Variants in RBFOX2 observed in about 807,000 individuals in gnomAD.
RBFOX2 encodes RNA binding protein fox-1 homolog 2.
Under a neutral mutation model 49.1 loss-of-function variants are expected in RBFOX2, and 10 were observed. The observed-to-expected ratio is 0.20, with a 90% CI of 0.13 to 0.35. The LOEUF is 0.35. Ranked by LOEUF, RBFOX2 falls within the 10% of genes least tolerant of loss-of-function variation. RBFOX2 has a pLI of 1.00. For missense variants in RBFOX2, 323 were observed against 486.9 expected (o/e 0.66, Z 3.17); for synonymous variants, 183 against 187.4 (o/e 0.98, Z 0.19).
chr22:35,813,074 A>C (rs377008199), intron 1 of RBFOX2, among the ~76,000 whole-genome samples: 57 of 152,276 alleles, frequency 3.7e-4, no homozygotes, highest in East Asian at 2.9e-3. Context: ...GTCAAGAAGA[A>C]ATTCTTAGTG....
chr22:35,842,317 C>T (rs545247206), upstream of RBFOX2, among the ~76,000 whole-genome samples: 4 of 152,154 alleles, frequency 2.6e-5, no homozygotes, highest in East Asian at 1.9e-4. Flanking sequence ...TTAGGAAAAA[C>T]GCTGAGTAAA....
intron 1 of RBFOX2, among the ~76,000 whole-genome samples, chr22:35,989,992 G>T (rs2057901747): frequency 6.6e-6 from 1 of 152,126 alleles, no homozygotes; most frequent in South Asian, 2.1e-4. Flanking sequence ...GACCAGCCTG[G>T]CCAACATGGT....
chr22:36,025,254 T>C (rs1359728007), intron 1 of RBFOX2, among the ~76,000 whole-genome samples: 1 of 152,238 alleles, frequency 6.6e-6, no homozygotes, highest in Non-Finnish European at 1.5e-5. Flanking sequence ...GCAGTCTTTC[T>C]CAATGCCTGT....
intron 1 of RBFOX2, chr22:35,897,206 C>T: frequency 1.1e-6 from 1 of 936,404 alleles, no homozygotes; most frequent in South Asian, 1.5e-5. Context: ...TGGCTGGGTG[C>T]TCAAACCACA....
upstream of RBFOX2, among the ~76,000 whole-genome samples, chr22:35,942,968 T>C (rs891333286): frequency 2.0e-5 from 3 of 152,330 alleles, no homozygotes; most frequent in Middle Eastern, 3.4e-3. Flanking sequence ...TCACAATGCA[T>C]AAAACAAGTT....
chr22:35,822,105 T>C, intron 1 of RBFOX2: 1 of 428,148 alleles, frequency 2.3e-6, no homozygotes, highest in Non-Finnish European at 4.7e-6. Flanking sequence ...TACTCCCCAA[T>C]AAAGTGTTAG....
At chr22:35,870,502 TA>T (rs893786340) in intron 1 of RBFOX2, among the ~76,000 whole-genome samples, 1 of 151,950 alleles carries the variant, frequency 6.6e-6, no homozygotes, top group Non-Finnish European at 1.5e-5. Context: ...AACAAATAAA[TA>T]AAAAGTCATG....
At chr22:35,953,210 CAAAAA>C (rs34387129) in intron 1 of RBFOX2, among the ~76,000 whole-genome samples, 2 of 22,416 alleles carry the variant, frequency 8.9e-5, no homozygotes, top group Non-Finnish European at 1.8e-4. Context: ...GACTCCATCT[CAAAAA>C]AAAAAAAAAA....
At chr22:35,828,506 T>C (rs998242254) in intron 1 of RBFOX2, among the ~76,000 whole-genome samples, 1 of 152,148 alleles carries the variant, frequency 6.6e-6, no homozygotes, top group Admixed American at 6.5e-5. Flanking sequence ...AAGTACTCAG[T>C]TGAGTGATGA....
chr22:35,896,437 TC>T (rs2149410361), intron 1 of RBFOX2, among the ~76,000 whole-genome samples: 1 of 152,192 alleles, frequency 6.6e-6, no homozygotes, highest in East Asian at 1.9e-4. Context: ...GGGTTTTGGC[TC>T]CCCCTCAGAC....
intron 9 of RBFOX2, among the ~76,000 whole-genome samples, chr22:35,756,748 G>C (rs889958029): frequency 6.6e-6 from 1 of 151,880 alleles, no homozygotes; most frequent in Non-Finnish European, 1.5e-5. Flanking sequence ...ATAAGATTTG[G>C]CTGATCACAC....
In RBFOX2 at chr22:35,819,183, TAACCAGGTAATTGAATA is replaced by T. The variant is rs200000649; in HGVS notation, c.28-9196_28-9180del. On this transcript the variant is annotated intron_variant, in intron 1 of 11. Coordinates refer to ENST00000405409, the Ensembl canonical transcript of RBFOX2. ...TTTAGAAAATGCCTGGTAATTGAATTAACCAGGTAATTGAATACCTGCTTCTGCAGTATAAGTCTATA... is the reference window on the plus strand; with the variant it reads ...TTTAGAAAATGCCTGGTAATTGAATTCCTGCTTCTGCAGTATAAGTCTATA... Among the ~76,000 whole-genome samples, 24 of 152,294 alleles carry T rather than the reference TAACCAGGTAATTGAATA, an allele frequency of 1.6e-4. No homozygotes were observed. In the East Asian group the frequency reaches 4.2e-3, roughly 27 times the overall value.
chr22:36,026,891 G>A (rs1308177659), intron 1 of RBFOX2, among the ~76,000 whole-genome samples: 1 of 152,154 alleles, frequency 6.6e-6, no homozygotes, highest in African/African-American at 2.4e-5. Flanking sequence ...CCTAACACAG[G>A]AAGTCAGGCA....
chr22:35,976,132 C>T (rs1183586933), intron 1 of RBFOX2, among the ~76,000 whole-genome samples: 1 of 152,152 alleles, frequency 6.6e-6, no homozygotes, highest in East Asian at 1.9e-4. Context: ...CTATCTCCTA[C>T]CTATCAAATG....
chr22:35,740,796 C>T (rs1330911109), exon 12 of RBFOX2: 1 of 152,188 alleles, frequency 6.6e-6, no homozygotes, highest in Non-Finnish European at 1.5e-5. Context: ...TTTGATGTCT[C>T]CCTCATGTCT....
chr22:35,900,755 T>C (rs1328179148), intron 1 of RBFOX2, among the ~76,000 whole-genome samples: 1 of 152,282 alleles, frequency 6.6e-6, no homozygotes, highest in Admixed American at 6.5e-5. Flanking sequence ...TGGAAACTCC[T>C]TAGATTTGAA....
chr22:35,924,777 GA>G (rs1216215929), intron 1 of RBFOX2, among the ~76,000 whole-genome samples: 1 of 152,184 alleles, frequency 6.6e-6, no homozygotes, highest in Non-Finnish European at 1.5e-5. Context: ...AAGTATTCAA[GA>G]AAACTAAGAA....
intron 1 of RBFOX2, among the ~76,000 whole-genome samples, chr22:35,868,028 T>C (rs531318730): frequency 3.9e-5 from 6 of 152,078 alleles, no homozygotes; most frequent in Non-Finnish European, 7.4e-5. Context: ...CTGGGCAACA[T>C]GGCAAAACCC....
chr22:35,893,481 G>C (rs560522437), intron 1 of RBFOX2, among the ~76,000 whole-genome samples: 4 of 152,226 alleles, frequency 2.6e-5, no homozygotes, highest in Non-Finnish European at 5.9e-5. Context: ...TCAAAAGACA[G>C]AACAGCCCAT....
Sources: allele counts gnomAD v4.1 joint callset (sites outside exome capture counted in the v4.1 genomes callset), GRCh38; gene constraint gnomAD v4.1.1; transcripts MANE v1.5; gene names NCBI Gene and HGNC (gene_info 2026-07-23, HGNC 2026-07-21).